ZNF354C: variants seen among roughly 807,000 people sequenced by gnomAD.
ZNF354C encodes zinc finger protein 354C, also known as KRAB-zinc finger protein synten.
Under a neutral mutation model 12.4 loss-of-function variants are expected in ZNF354C, and 7 were observed. That is an observed-to-expected ratio of 0.56 (90% CI 0.32 to 1.06). ZNF354C has a LOEUF of 1.06. Ranked by LOEUF, ZNF354C falls within the 50% of genes least tolerant of loss-of-function variation. The pLI is 0.04. For synonymous variants in ZNF354C, 202 were observed against 224.5 expected, an observed-to-expected ratio of 0.90 and a Z score of 0.90; for missense variants, 609 against 658.0, an observed-to-expected ratio of 0.93 and a Z score of 0.81.
At position 179,082,837 on chromosome 5, in the gene ZNF354C, C is replaced by T; in HGVS notation, c.*2740C>T. ...AACCGATCAGGTCGAGGAGCTGCAACAGCCTTGGGGCCCTCACAGACTCGC... is the reference window on the plus strand; with the variant it reads ...AACCGATCAGGTCGAGGAGCTGCAATAGCCTTGGGGCCCTCACAGACTCGC... On this transcript the variant is annotated 3_prime_UTR_variant, in exon 5 of 5. Transcript: ENST00000315475. 7.8e-7 allele frequency: 1 copy of T among 1,279,202 alleles called. No homozygotes were observed. Among genetic ancestry groups the T allele is most frequent in the Non-Finnish European group, 1.1e-6 (1 of 875,936 alleles). 79.2% of individuals were successfully genotyped at this position (1,279,202 alleles called of 1,614,324 possible). A position where few individuals can be genotyped will look rare whatever the true frequency, so the allele number is the denominator to read the frequency against.
chr5:179,074,292 T>C (rs1484650890), intron 2 of ZNF354C, among the ~76,000 whole-genome samples: 1 of 32,500 alleles, frequency 3.1e-5, no homozygotes, highest in Non-Finnish European at 9.3e-5. Context: ...ATTTTTGTAC[T>C]TTTTTTTTTT....
In ZNF354C at chr5:179,078,796, A is replaced by G. The variant is rs1046960186; in HGVS notation, c.364A>G (p.Ile122Val). The G allele has an allele frequency of 1.9e-6, 3 of 1,614,132 alleles. No homozygotes were observed. The highest frequency in any genetic ancestry group is 2.5e-6 in the Non-Finnish European group (3 of 1,179,994). ...ATCCATTAAGGATGGTCACTGGGAC[A>G]TTAACTTTGAAGAAGCTGTGGAATT... is the stretch of plus-strand genomic sequence containing the variant. ...KESIKDGHWD[I>V]NFEEAVEFES... Residue 122 changes from isoleucine (I) to valine (V), a missense_variant, in exon 5 of 5, where the codon ATT becomes GTT. Transcript: ENST00000315475.
At chr5:179,064,582 A>AT (rs59111143) in intron 2 of ZNF354C, among the ~76,000 whole-genome samples, 1,554 of 141,716 alleles carry the variant, frequency 0.011, 24 homozygotes, top group African/African-American at 0.035. Context: ...ACACTGGCTA[A>AT]TTTTTTTTTT....
At chr5:179,071,209 C>A (rs1264299594) in intron 2 of ZNF354C, among the ~76,000 whole-genome samples, 2 of 151,892 alleles carry the variant, frequency 1.3e-5, no homozygotes, top group Admixed American at 1.3e-4. Context: ...AAATGAAACA[C>A]CCTCACACAT....
At position 179,081,287 on chromosome 5, in the gene ZNF354C, T is replaced by C. The variant is rs1431953383; in HGVS notation, c.*1190T>C. The C allele has an allele frequency of 6.6e-6, 1 of 152,190 alleles. No homozygotes were observed. The highest frequency in any genetic ancestry group is 1.5e-5 in the Non-Finnish European group (1 of 68,020). 9.4% of individuals were successfully genotyped at this position (152,190 alleles called of 1,614,324 possible). ...TTAAAGCTAGCTGAGGTCCAGATAGTGTAATTGCTTTTGGAGGCTTCACAT... is the reference window on the plus strand; with the variant it reads ...TTAAAGCTAGCTGAGGTCCAGATAGCGTAATTGCTTTTGGAGGCTTCACAT... On this transcript the variant is annotated 3_prime_UTR_variant, in exon 5 of 5. Coordinates refer to ENST00000315475, the MANE Select transcript of ZNF354C (RefSeq NM_014594.3).
intron 2 of ZNF354C, among the ~76,000 whole-genome samples, chr5:179,072,035 T>C (rs990305406): frequency 2.0e-5 from 3 of 152,026 alleles, no homozygotes; most frequent in African/African-American, 7.2e-5. Context: ...CAGGATAAGG[T>C]AGGCATATGA....
Position 179,079,957 on chromosome 5 carries a change from T to G in ZNF354C, c.1525T>G (p.Ser509Ala). Residue 509 changes from serine to alanine, a missense_variant, in exon 5 of 5, where the codon TCA becomes GCA. Coordinates refer to ENST00000315475, the MANE Select transcript of ZNF354C (RefSeq NM_014594.3). This position sits in a 1 kb window ranked among gnomAD's most constrained non-coding sequence, Gnocchi z 4.2. ...ATGTGGGAAAGCCTACAGTTACAGATCAAACCTTTGTAGACACAAAAAAGT... is the reference window on the plus strand; with the variant it reads ...ATGTGGGAAAGCCTACAGTTACAGAGCAAACCTTTGTAGACACAAAAAAGT... The part of the protein sequence containing the change: ...MECGKAYSYR[S>A]NLCRHKKVHT... 6.2e-7 allele frequency: 1 copy of G among 1,614,076 alleles called. No individual in the cohort carries two copies.
Position 179,083,355 on chromosome 5 carries a change from GTTTT to G in ZNF354C, c.*3265_*3268del, listed in dbSNP as rs922676475. On this transcript the variant is annotated 3_prime_UTR_variant, in exon 5 of 5. Coordinates refer to ENST00000315475, the MANE Select transcript of ZNF354C (RefSeq NM_014594.3). ...TAATTCTTAGGAGATGCATGCAGAA[GTTTT>G]TTTTTTAAGTTTTGAAAAGTCATGA... is the stretch of plus-strand genomic sequence containing the variant. The G allele has an allele frequency of 2.6e-5, 4 of 155,796 alleles. No individual in the cohort carries two copies. The highest frequency in any genetic ancestry group is 1.8e-4 in the East Asian group (1 of 5,514). The allele number at this position is 155,796 out of a possible 1,614,324, so 9.7% of individuals were successfully genotyped here. A position where few individuals can be genotyped will look rare whatever the true frequency, so the allele number is the denominator to read the frequency against.
intron 2 of ZNF354C, among the ~76,000 whole-genome samples, chr5:179,068,597 G>A (rs1025043189): frequency 2.2e-4 from 33 of 150,726 alleles, no homozygotes; most frequent in African/African-American, 7.5e-4. Context: ...TTTAAAAAGC[G>A]AATGAAATTT....
chr5:179,080,702 T>G lies in ZNF354C; in HGVS notation c.*605T>G, dbSNP rs912034236. 2.6e-5 allele frequency: 4 copies of G among 152,070 alleles called. No homozygotes were observed. Among genetic ancestry groups the G allele is most frequent in the African/African-American group, 9.7e-5 (4 of 41,426 alleles). The allele number at this position is 152,070 out of a possible 1,614,324, so 9.4% of individuals were successfully genotyped here. On this transcript the variant is annotated 3_prime_UTR_variant, in exon 5 of 5. Transcript: ENST00000315475. ...TCCTTTATTATTAAAAAATGTAGTT[T>G]TATTGATTTAGAATTTAGTTCTTAA...
In ZNF354C at chr5:179,079,220, A is replaced by G. The variant is rs780025699; in HGVS notation, c.788A>G (p.Gln263Arg). The part of the protein sequence containing the change: ...FSHRSSLLSH[Q>R]RIHTGEKPYK... ...CACAGATCATCCCTTCTTTCTCATC[A>G]GAGAATTCATACTGGAGAGAAACCT... The change falls in exon 5 of 5, where the codon CAG becomes CGG. Residue 263 changes from glutamine (Q) to arginine (R), a missense_variant. Physicochemically the swap from Gln to Arg is conservative, Grantham distance 43 (BLOSUM62 1). Transcript: ENST00000315475. The surrounding 1 kb of genome is among the most constrained non-coding windows in gnomAD (Gnocchi z 4.2). The G allele has an allele frequency of 6.2e-7, 1 of 1,614,088 alleles. No individual in the cohort carries two copies. Among genetic ancestry groups the G allele is most frequent in the Non-Finnish European group, 8.5e-7 (1 of 1,179,990 alleles).
At position 179,083,205 on chromosome 5, in the gene ZNF354C, T is replaced by TA. The variant is rs55881730; in HGVS notation, c.*3115dup. 78,157 of 304,102 alleles carry TA rather than the reference T, an allele frequency of 0.26. 11,865 individuals carry two copies. Among genetic ancestry groups the TA allele is most frequent in the East Asian group, 0.39 (5,701 of 14,796 alleles). The allele number at this position is 304,102 out of a possible 1,614,324, so 18.8% of individuals were successfully genotyped here. On this transcript the variant is annotated 3_prime_UTR_variant, in exon 5 of 5. Coordinates refer to ENST00000315475, the MANE Select transcript of ZNF354C (RefSeq NM_014594.3). ...TGATCCTTTATTAGCTTCTGATTCA[T>TA]AAAAAAACCTATAAGAGACATTTGG...
In ZNF354C at chr5:179,060,502, GC is replaced by G. The variant is rs1247788146; in HGVS notation, c.-217del. ...AGGCGCTCGCAGTGGTCTCTTCCGGGCCGGGGTGGATCCGGGCCTCTCCAGC... is the reference window on the plus strand; with the variant it reads ...AGGCGCTCGCAGTGGTCTCTTCCGGGCGGGGTGGATCCGGGCCTCTCCAGC... On this transcript the variant is annotated 5_prime_UTR_variant, in exon 1 of 5. Coordinates refer to ENST00000315475, the MANE Select transcript of ZNF354C (RefSeq NM_014594.3). This position sits in a 1 kb window ranked among gnomAD's most constrained non-coding sequence, Gnocchi z 4.2. 1 of 152,384 alleles carries G rather than the reference GC, an allele frequency of 6.6e-6. No individual in the cohort carries two copies. Among genetic ancestry groups the G allele is most frequent in the Non-Finnish European group, 1.5e-5 (1 of 68,194 alleles). The allele number at this position is 152,384 out of a possible 1,614,324, so 9.4% of individuals were successfully genotyped here.
rs1581123181 is a variant in ZNF354C, at chr5:179,082,290, T to A, written c.*2193T>A. 1 of 172,448 alleles carries A rather than the reference T, an allele frequency of 5.8e-6. No homozygotes were observed. The highest frequency in any genetic ancestry group is 1.4e-4 in the South Asian group (1 of 7,078). 10.7% of individuals were successfully genotyped at this position (172,448 alleles called of 1,614,324 possible). A position where few individuals can be genotyped will look rare whatever the true frequency, so the allele number is the denominator to read the frequency against. ...ATGTGGCTCTTGATGGGATGCGGTA[T>A]GAAGCATGTGTGATCATCCTTGATG... On this transcript the variant is annotated 3_prime_UTR_variant, in exon 5 of 5. Transcript: ENST00000315475.
Position 179,080,051 on chromosome 5 carries a change from C to A in ZNF354C, c.1619C>A (p.Thr540Asn), listed in dbSNP as rs758921627. The A allele has an allele frequency of 6.2e-6, 10 of 1,603,850 alleles. No homozygotes were observed. In the Admixed American group the frequency reaches 1.0e-4, roughly 17 times the overall value. The change falls in exon 5 of 5, where the codon ACC becomes AAC. Residue 540 changes from threonine to asparagine, a missense_variant. Physicochemically the swap from Thr to Asn is moderately conservative, Grantham distance 65 (BLOSUM62 0). Coordinates refer to ENST00000315475, the MANE Select transcript of ZNF354C (RefSeq NM_014594.3). ...CCTTTCATCTGCAGCTCCTCACTTA[C>A]CCAGTATCAGAGATTTTTTAAAGGA... Reference protein sequence around the residue: ...GKPFICSSSLTQYQRFFKGDK... With the variant: ...GKPFICSSSLNQYQRFFKGDK...
chr5:179,074,033 G>C (rs1257073895), intron 2 of ZNF354C, among the ~76,000 whole-genome samples: 2 of 152,026 alleles, frequency 1.3e-5, no homozygotes, highest in African/African-American at 4.8e-5. Flanking sequence ...TCCCAGGCTG[G>C]AGTGCAGTGG....
chr5:179,083,044 C>G lies in ZNF354C; in HGVS notation c.*2947C>G, dbSNP rs1435976693. 5.1e-6 allele frequency: 4 copies of G among 782,866 alleles called. No individual in the cohort carries two copies. The highest frequency in any genetic ancestry group is 8.6e-6 in the Non-Finnish European group (4 of 465,300). The allele number at this position is 782,866 out of a possible 1,614,324, so 48.5% of individuals were successfully genotyped here. A position where few individuals can be genotyped will look rare whatever the true frequency, so the allele number is the denominator to read the frequency against. ...TGATCTTGCACACATTCCACTGGCC[C>G]TACGCAGGGGTGTGATGTTGTAAGC... On this transcript the variant is annotated 3_prime_UTR_variant, in exon 5 of 5. Transcript: ENST00000315475.
intron 4 of ZNF354C, 77 bp from the exon 5 acceptor site, chr5:179,078,606 C>G: frequency 8.9e-7 from 1 of 1,126,860 alleles, no homozygotes; most frequent in East Asian, 2.4e-5. Flanking sequence ...TATACTGTTA[C>G]CAGTTTTTTT....
At chr5:179,066,063 C>A (rs1761954999) in intron 2 of ZNF354C, among the ~76,000 whole-genome samples, 1 of 152,232 alleles carries the variant, frequency 6.6e-6, no homozygotes, top group Non-Finnish European at 1.5e-5. Context: ...ATTTGGAAAT[C>A]TGTATGGAGG....
Sources: allele counts gnomAD v4.1 joint callset (sites outside exome capture counted in the v4.1 genomes callset), GRCh38; gene constraint gnomAD v4.1.1; non-coding constraint Gnocchi (gnomAD v3.1); transcripts MANE v1.5; gene names NCBI Gene and HGNC (gene_info 2026-07-23, HGNC 2026-07-21).